Variants in LAMA1 observed in about 807,000 individuals in gnomAD.
LAMA1 encodes laminin subunit alpha-1.
Under a neutral mutation model 348.7 loss-of-function variants are expected in LAMA1, and 219 were observed. The ratio of observed to expected loss-of-function variants is 0.63; its 90% CI spans 0.56 to 0.70. LAMA1 has a LOEUF of 0.70. Ranked by LOEUF, LAMA1 falls within the 30% of genes least tolerant of loss-of-function variation. The pLI, the probability that LAMA1 is intolerant of heterozygous loss-of-function variation, is 0.00. For synonymous variants in LAMA1, 1,487 were observed against 1,491.0 expected (o/e 1.00, Z 0.06); for missense variants, 3,744 against 3,888.0 (o/e 0.96, Z 0.99).
chr18:7,044,821 C>G lies in LAMA1; in HGVS notation c.877G>C (p.Glu293Gln), dbSNP rs2058035496. The G allele has an allele frequency of 3.1e-6, 5 of 1,613,628 alleles. No individual in the cohort carries two copies. The highest frequency in any genetic ancestry group is 1.3e-5 in the African/African-American group (1 of 74,904). Residue 293 changes from glutamate (E) to glutamine (Q), a missense_variant, in exon 7 of 63, where the codon GAG becomes CAG. This residue lies in a region of LAMA1 where 1,529 missense variants were observed against 1,689.4 expected (regional missense o/e 0.91). Coordinates refer to ENST00000389658, the MANE Select transcript of LAMA1 (RefSeq NM_005559.4). ...CAGCTCTCCCCGCAAGTATTATGCT[C>G]ACATTGACACTGCAGTTTCTACACA... is the stretch of plus-strand genomic sequence containing the variant. ...ETTKKLQCQC[E>Q]HNTCGESCNR... is the part of the protein sequence containing the mutation.
At position 7,095,338 on chromosome 18, in the gene LAMA1, C is replaced by T. The variant is rs567014859; in HGVS notation, c.62-14881G>A. On this transcript the variant is annotated intron_variant, in intron 1 of 62. Coordinates refer to ENST00000389658, the MANE Select transcript of LAMA1 (RefSeq NM_005559.4). ...ATTACTCTCTTAAATCACATTTATG[C>T]GAGCCTTGTTTAATGTATTTTCTTT... is the stretch of plus-strand genomic sequence containing the variant. Among the ~76,000 whole-genome samples, 23 of 152,262 alleles carry T rather than the reference C, an allele frequency of 1.5e-4. 1 individual carries two copies. In the South Asian group the frequency reaches 2.3e-3, roughly 15 times the overall value.
chr18:7,012,934 G>C (rs991460898), intron 23 of LAMA1, among the ~76,000 whole-genome samples: 12 of 151,176 alleles, frequency 7.9e-5, no homozygotes, highest in African/African-American at 2.9e-4. Flanking sequence ...TTGAGGCAGA[G>C]GGATCACCTG....
intron 1 of LAMA1, among the ~76,000 whole-genome samples, chr18:7,096,033 G>C (rs747855733): frequency 2.0e-5 from 3 of 152,176 alleles, no homozygotes; most frequent in Non-Finnish European, 4.4e-5. Flanking sequence ...GCGCCATTGC[G>C]CTCCAGCCCA....
At chr18:6,945,832 G>C (rs1444037772) in intron 61 of LAMA1, among the ~76,000 whole-genome samples, 3 of 152,130 alleles carry the variant, frequency 2.0e-5, no homozygotes, top group African/African-American at 7.2e-5. Context: ...CTCACTGTAA[G>C]AGGCTGCCCT....
intron 13 of LAMA1, among the ~76,000 whole-genome samples, chr18:7,035,264 T>A (rs997841408): frequency 1.9e-4 from 29 of 151,982 alleles, no homozygotes; most frequent in African/African-American, 6.8e-4. Flanking sequence ...GATGTGGGGA[T>A]AGGGACAGAG....
At chr18:7,082,527 G>A (rs8088532) in intron 1 of LAMA1, among the ~76,000 whole-genome samples, 52,268 of 152,014 alleles carry the variant, frequency 0.34, 9,419 homozygotes, top group East Asian at 0.52. Context: ...ACATTCTTAT[G>A]TGTGGTACTT....
intron 1 of LAMA1, among the ~76,000 whole-genome samples, chr18:7,110,152 G>A (rs996589612): frequency 2.6e-5 from 4 of 151,634 alleles, no homozygotes; most frequent in Non-Finnish European, 4.4e-5. Flanking sequence ...CTGCACTCCA[G>A]CCTGGGTGAC....
chr18:6,976,372 T>C (rs1212105240), intron 44 of LAMA1, among the ~76,000 whole-genome samples: 1 of 152,212 alleles, frequency 6.6e-6, no homozygotes, highest in African/African-American at 2.4e-5. Context: ...CTTATCACCT[T>C]GGAATCTTTC....
intron 1 of LAMA1, among the ~76,000 whole-genome samples, chr18:7,090,453 T>C (rs922787885): frequency 1.3e-5 from 2 of 152,142 alleles, no homozygotes; most frequent in African/African-American, 4.8e-5. Context: ...GGGAGCTCTT[T>C]CAGCTTGATG....
rs763318411 is a variant in LAMA1 at position 7,044,775 on chromosome 18, T to TACCCAGGA, written c.915_922dup (p.Tyr308PhefsTer45). On this transcript the variant is annotated frameshift_variant, in exon 7 of 63. Coordinates refer to ENST00000389658, the MANE Select transcript of LAMA1 (RefSeq NM_005559.4). LOFTEE classifies it high-confidence loss of function. ...TCCCGGCCTCCAGGGCTGCTGATGG[T>TACCCAGGA]ACCCAGGACAGCACCTGTTACAGCT... The TACCCAGGA allele has an allele frequency of 6.2e-7, 1 of 1,614,214 alleles. No homozygotes were observed. The highest frequency in any genetic ancestry group is 8.5e-7 in the Non-Finnish European group (1 of 1,180,050).
At chr18:6,999,014 C>T (rs1348635582) in intron 32 of LAMA1, among the ~76,000 whole-genome samples, 1 of 151,974 alleles carries the variant, frequency 6.6e-6, no homozygotes, top group Non-Finnish European at 1.5e-5. Flanking sequence ...GCCTGGGGGA[C>T]AGAGCAAGAC....
At chr18:7,106,621 A>G (rs894428332) in intron 1 of LAMA1, among the ~76,000 whole-genome samples, 5 of 151,948 alleles carry the variant, frequency 3.3e-5, no homozygotes, top group African/African-American at 1.2e-4. Flanking sequence ...GCCCCTCCCA[A>G]AGTGCTGGGA....
At chr18:7,029,931 C>G (rs1221953901) in intron 16 of LAMA1, among the ~76,000 whole-genome samples, 1 of 149,336 alleles carries the variant, frequency 6.7e-6, no homozygotes, top group Non-Finnish European at 1.5e-5. Flanking sequence ...GGGCTATGAA[C>G]AACTACACAA....
Position 6,961,700 on chromosome 18 carries a change from C to CA in LAMA1, c.7511dup (p.Leu2504PhefsTer33). On this transcript the variant is annotated frameshift_variant, in exon 53 of 63. Transcript: ENST00000389658. LOFTEE classifies it high-confidence loss of function. ...TTACCAGCCATTCTGATTCTGGTGA[C>CA]AAAGATTTGGGTGGCAATTCAATGT... The CA allele has an allele frequency of 1.2e-6, 2 of 1,614,074 alleles. No homozygotes were observed. Among genetic ancestry groups the CA allele is most frequent in the African/African-American group, 1.3e-5 (1 of 75,004 alleles).
In LAMA1 at chr18:6,999,480, TCA is replaced by T. The variant is rs1418458594; in HGVS notation, c.4626_4627del (p.Cys1542Ter). 6.2e-7 allele frequency: 1 copy of T among 1,614,178 alleles called. No homozygotes were observed. Among genetic ancestry groups the T allele is most frequent in the Non-Finnish European group, 8.5e-7 (1 of 1,180,038 alleles). ...TGTTTCCATCAGAATGTGCCTCGGT[TCA>T]CACTCATCGCACCGGAGCCCCGAGG... On this transcript the variant is annotated stop_gained and frameshift_variant, in exon 32 of 63. Coordinates refer to ENST00000389658, the MANE Select transcript of LAMA1 (RefSeq NM_005559.4). LOFTEE classifies it high-confidence loss of function.
At chr18:7,102,081 T>C (rs1044367770) in intron 1 of LAMA1, among the ~76,000 whole-genome samples, 4 of 152,162 alleles carry the variant, frequency 2.6e-5, no homozygotes, top group African/African-American at 7.2e-5. Flanking sequence ...CCTTTACCAA[T>C]AACCATCTTA....
chr18:6,963,625 C>T (rs2057618910), intron 51 of LAMA1, among the ~76,000 whole-genome samples: 1 of 152,126 alleles, frequency 6.6e-6, no homozygotes, highest in Non-Finnish European at 1.5e-5. Flanking sequence ...AAGAACTTGA[C>T]CTAAAGATAG....
chr18:7,090,734 G>A (rs2058236674), intron 1 of LAMA1, among the ~76,000 whole-genome samples: 1 of 151,820 alleles, frequency 6.6e-6, no homozygotes, highest in African/African-American at 2.4e-5. Context: ...GAGAGAGGGA[G>A]GGAGGGAGGG....
At chr18:7,073,084 A>G (rs1210274111) in intron 3 of LAMA1, among the ~76,000 whole-genome samples, 2 of 151,464 alleles carry the variant, frequency 1.3e-5, no homozygotes, top group Non-Finnish European at 2.9e-5. Flanking sequence ...CACCACTACT[A>G]CCCCCAAGTT....
Sources: gnomAD v4.1 joint callset for allele counts (sites outside exome capture counted in the v4.1 genomes callset) on GRCh38, gnomAD v4.1.1 for gene constraint, gnomAD v4.1.1 regional missense constraint, MANE v1.5 for transcripts, NCBI Gene and HGNC (gene_info 2026-07-23, HGNC 2026-07-21) for gene names.